Variants in SH3BGRL observed in about 807,000 individuals in gnomAD.
SH3BGRL encodes the protein adapter SH3BGRL.
In SH3BGRL, 7 loss-of-function variants were observed where a neutral mutation model predicts 9.8. The observed-to-expected ratio is 0.72, with a 90% CI of 0.41 to 1.35. The LOEUF (loss-of-function observed/expected upper bound fraction) is 1.35. Ranked by LOEUF, SH3BGRL falls within the 40% of genes most tolerant of loss-of-function variation. SH3BGRL has a pLI of 0.01. For synonymous variants in SH3BGRL, 36 were observed against 29.1 expected (o/e 1.24, Z -0.76); for missense variants, 73 against 84.4 (o/e 0.86, Z 0.53).
rs193276787 is a variant in SH3BGRL at position 81,216,049 on chromosome X, C to T, written c.45+13804C>T. Among the ~76,000 whole-genome samples the T allele has an allele frequency of 2.9e-4, 32 of 111,779 alleles. No individual in the cohort carries two copies. In the East Asian group the frequency reaches 7.9e-3, roughly 28 times the overall value. ...CTTTTAGACTTTTCTATAATTCCCTCACCTTGAGATCATCCTAGCTTTGAT... is the reference window on the plus strand; with the variant it reads ...CTTTTAGACTTTTCTATAATTCCCTTACCTTGAGATCATCCTAGCTTTGAT... On this transcript the variant is annotated intron_variant, in intron 1 of 3. Transcript: ENST00000373212.
At chrX:81,272,490 T>G (rs907036278) in intron 1 of SH3BGRL, among the ~76,000 whole-genome samples, 2 of 109,294 alleles carry the variant, frequency 1.8e-5, no homozygotes, top group East Asian at 5.7e-4. Context: ...TTACTTTTCT[T>G]TTTTTTCTTT....
intron 1 of SH3BGRL, among the ~76,000 whole-genome samples, chrX:81,276,367 C>T (rs1433977561): frequency 7.3e-5 from 8 of 109,055 alleles, no homozygotes; most frequent in Non-Finnish European, 5.7e-5. Context: ...CAACCTAATA[C>T]ATAATACACA....
At chrX:81,290,748 C>G (rs759008489) in intron 3 of SH3BGRL, among the ~76,000 whole-genome samples, 4 of 110,673 alleles carry the variant, frequency 3.6e-5, no homozygotes, top group Non-Finnish European at 3.8e-5. Flanking sequence ...ATAATACAAA[C>G]AATACATATT....
chrX:81,233,302 TTG>T (rs1459114671), intron 1 of SH3BGRL, among the ~76,000 whole-genome samples: 1 of 112,151 alleles, frequency 8.9e-6, no homozygotes, highest in African/African-American at 3.2e-5. Flanking sequence ...AGATAGTGCT[TTG>T]CATACGTAGA....
chrX:81,217,792 A>C (rs1328345719), intron 1 of SH3BGRL, among the ~76,000 whole-genome samples: 1 of 111,054 alleles, frequency 9.0e-6, no homozygotes, highest in African/African-American at 3.3e-5. Flanking sequence ...ACTTTAAGTC[A>C]GTTGTTTTTT....
At chrX:81,218,574 C>G (rs1228123850) in intron 1 of SH3BGRL, among the ~76,000 whole-genome samples, 1 of 106,204 alleles carries the variant, frequency 9.4e-6, no homozygotes, top group African/African-American at 3.4e-5. Flanking sequence ...AGATAGTACC[C>G]CAATCTCTTC....
chrX:81,283,511 AAC>A (rs1357936349), intron 3 of SH3BGRL, among the ~76,000 whole-genome samples: 2 of 112,241 alleles, frequency 1.8e-5, no homozygotes, highest in African/African-American at 6.5e-5. Context: ...GGGATGGTTT[AAC>A]ACACACAAGT....
chrX:81,255,980 A>C (rs2075724412), intron 1 of SH3BGRL, among the ~76,000 whole-genome samples: 1 of 112,149 alleles, frequency 8.9e-6, no homozygotes, highest in South Asian at 3.7e-4. Context: ...CATTTCTGAG[A>C]ATTTTCATGT....
intron 3 of SH3BGRL, among the ~76,000 whole-genome samples, chrX:81,285,606 A>G (rs974775808): frequency 8.9e-6 from 1 of 112,193 alleles, no homozygotes; most frequent in African/African-American, 3.2e-5. Context: ...ATATTTAACA[A>G]GAGGTTCAAC....
chrX:81,258,671 C>A (rs2075732680), intron 1 of SH3BGRL, among the ~76,000 whole-genome samples: 2 of 111,925 alleles, frequency 1.8e-5, no homozygotes, highest in Admixed American at 1.9e-4. Flanking sequence ...CTTAGTCTAC[C>A]CTGGAGTTCA....
At chrX:81,255,281 A>G (rs2075722414) in intron 1 of SH3BGRL, among the ~76,000 whole-genome samples, 1 of 111,923 alleles carries the variant, frequency 8.9e-6, no homozygotes, top group South Asian at 3.7e-4. Context: ...ACTGAAGGTT[A>G]GTTTTGAAAT....
intron 1 of SH3BGRL, among the ~76,000 whole-genome samples, chrX:81,236,821 G>T (rs1038772161): frequency 1.8e-5 from 2 of 109,894 alleles, no homozygotes; most frequent in Admixed American, 2.0e-4. Context: ...TAGAAGAAAA[G>T]AAAATGATCT....
chrX:81,282,737 C>G (rs762104943), intron 3 of SH3BGRL, among the ~76,000 whole-genome samples: 2 of 111,196 alleles, frequency 1.8e-5, no homozygotes, highest in Non-Finnish European at 3.8e-5. Flanking sequence ...TGAAAGAGCA[C>G]AAACAATCTA....
At chrX:81,203,063 TC>T (rs1396008013) in intron 1 of SH3BGRL, among the ~76,000 whole-genome samples, 1 of 111,914 alleles carries the variant, frequency 8.9e-6, no homozygotes, top group Non-Finnish European at 1.9e-5. Context: ...ATTCACTTAC[TC>T]TTAATTTAGA....
At chrX:81,215,208 T>A (rs994816040) in intron 1 of SH3BGRL, among the ~76,000 whole-genome samples, 2 of 110,465 alleles carry the variant, frequency 1.8e-5, no homozygotes, top group African/African-American at 6.6e-5. Context: ...AATTTCATAC[T>A]TCTACATTCA....
At chrX:81,203,621 AT>A (rs1418554842) in intron 1 of SH3BGRL, among the ~76,000 whole-genome samples, 1 of 111,976 alleles carries the variant, frequency 8.9e-6, no homozygotes, top group Non-Finnish European at 1.9e-5. Flanking sequence ...GTCCAACTTA[AT>A]GCCTTTAGTT....
rs1285399426 is a variant in SH3BGRL at position 81,276,776 on chromosome X, G to A, written c.46-208G>A. On this transcript the variant is annotated intron_variant, in intron 1 of 3. Transcript: ENST00000373212. ...AAATTTTCAATGGAAAAAAAAAAGA[G>A]AAATTCAACTTGATAAAAGGACCAG... 2.7e-5 allele frequency among the ~76,000 whole-genome samples: 3 copies of A among 111,112 alleles called. No homozygotes were observed. In the Admixed American group the frequency reaches 2.9e-4, roughly 11 times the overall value.
At chrX:81,265,544 C>CT (rs1328191291) in intron 1 of SH3BGRL, among the ~76,000 whole-genome samples, 1 of 111,326 alleles carries the variant, frequency 9.0e-6, no homozygotes, top group African/African-American at 3.3e-5. Context: ...TGAACTCATC[C>CT]TTTTTTATGG....
At chrX:81,206,469 A>G (rs192549445) in intron 1 of SH3BGRL, among the ~76,000 whole-genome samples, 1,167 of 111,960 alleles carry the variant, frequency 0.01, 14 homozygotes, top group South Asian at 0.033. Context: ...AACTTTCTCA[A>G]GGTTACACAG....
Sources: gnomAD v4.1 joint callset for allele counts (sites outside exome capture counted in the v4.1 genomes callset) on GRCh38, gnomAD v4.1.1 for gene constraint, MANE v1.5 for transcripts, NCBI Gene and HGNC (gene_info 2026-07-23, HGNC 2026-07-21) for gene names.